Variants in MICAL2 observed in about 807,000 individuals in gnomAD.
MICAL2 encodes microtubule associated monooxygenase, calponin and LIM domain containing 2.
In MICAL2, 77 loss-of-function variants were observed where a neutral mutation model predicts 127.3. That is an observed-to-expected ratio of 0.60 (90% CI 0.50 to 0.73). The LOEUF is 0.73. MICAL2 is among the 30% of genes least tolerant of loss of function. The probability of loss-of-function intolerance (pLI) is 0.00; values close to 1 mark genes in which losing one functional copy is unlikely to be tolerated. For synonymous variants in MICAL2, 570 were observed against 551.1 expected (o/e 1.03, Z -0.48); for missense variants, 1,351 against 1,434.4 (o/e 0.94, Z 0.94).
At chr11:12,203,853 A>G (rs1319701886) in intron 3 of MICAL2, among the ~76,000 whole-genome samples, 1 of 152,102 alleles carries the variant, frequency 6.6e-6, no homozygotes, top group Admixed American at 6.5e-5. Flanking sequence ...ACAAAGATGT[A>G]CCATATGCTT....
chr11:12,176,042 T>C (rs1856806964), intron 3 of MICAL2, among the ~76,000 whole-genome samples: 1 of 152,150 alleles, frequency 6.6e-6, no homozygotes, highest in South Asian at 2.1e-4. Context: ...ATGAAAAACG[T>C]AAAGGAAGAC....
At chr11:12,222,083 T>A (rs1041400813) in intron 10 of MICAL2, among the ~76,000 whole-genome samples, 7 of 152,168 alleles carry the variant, frequency 4.6e-5, no homozygotes, top group African/African-American at 1.4e-4. Flanking sequence ...TTTAAGGGAA[T>A]CTTCCAGGGC....
intron 22 of MICAL2, chr11:12,250,403 G>A (rs1861383636): frequency 6.6e-6 from 1 of 152,188 alleles, no homozygotes; most frequent in African/African-American, 2.4e-5. Context: ...GCCGTGCTTT[G>A]GACTCACTAT....
chr11:12,350,046 G>A, intron 33 of MICAL2: 1 of 766,722 alleles, frequency 1.3e-6, no homozygotes, highest in Non-Finnish European at 2.2e-6. Flanking sequence ...TGTGCATACA[G>A]AATAGTGATT....
At chr11:12,152,382 C>T (rs1360026491) in intron 2 of MICAL2, among the ~76,000 whole-genome samples, 1 of 148,304 alleles carries the variant, frequency 6.7e-6, no homozygotes, top group Non-Finnish European at 1.5e-5. Context: ...GTGTGCAAGA[C>T]AGTAGTGCTT....
At chr11:12,236,050 A>G (rs751551882) in intron 15 of MICAL2, 127 bp from the exon 16 acceptor site, 2 of 751,520 alleles carry the variant, frequency 2.7e-6, no homozygotes, top group African/African-American at 1.7e-5. Flanking sequence ...GTAGGCTGAC[A>G]GCTGTTTGTG....
chr11:12,292,044 TCTGA>T (rs1863909938), downstream of MICAL2: 7 of 1,405,598 alleles, frequency 5.0e-6, no homozygotes, highest in South Asian at 5.5e-5. Context: ...TCTTCCTCTT[TCTGA>T]CTGTTTATAG....
intron 6 of MICAL2, among the ~76,000 whole-genome samples, chr11:12,212,982 C>A (rs1855688341): frequency 6.6e-6 from 1 of 152,184 alleles, no homozygotes; most frequent in African/African-American, 2.4e-5. Context: ...TACAAGGGTA[C>A]ACCCTGTGAC....
intron 33 of MICAL2, chr11:12,349,982 G>A (rs960963020): frequency 1.7e-5 from 26 of 1,539,102 alleles, no homozygotes; most frequent in Non-Finnish European, 2.2e-5. Flanking sequence ...AAAGCAAAGG[G>A]GCAAAGGGGG....
intron 3 of MICAL2, among the ~76,000 whole-genome samples, chr11:12,188,393 A>G (rs965351362): frequency 6.6e-6 from 1 of 152,170 alleles, no homozygotes; most frequent in African/African-American, 2.4e-5. Context: ...TTTGCCTTCC[A>G]GGGACGTTTG....
At chr11:12,262,226 G>A in intron 26 of MICAL2, 2 of 1,373,022 alleles carry the variant, frequency 1.5e-6, no homozygotes, top group Non-Finnish European at 9.4e-7. Context: ...TAAAATGGGG[G>A]CAGAGAGGAT....
chr11:12,118,562 A>G (rs977475438), intron 1 of MICAL2, among the ~76,000 whole-genome samples: 3 of 152,158 alleles, frequency 2.0e-5, no homozygotes, highest in Admixed American at 2.0e-4. Flanking sequence ...CTACTTTGCC[A>G]GCTCTCTCCT....
chr11:12,165,211 A>G (rs1247999247), intron 3 of MICAL2, among the ~76,000 whole-genome samples: 1 of 151,982 alleles, frequency 6.6e-6, no homozygotes, highest in Non-Finnish European at 1.5e-5. Context: ...TGTCATCTAC[A>G]GTGAGTGTTG....
downstream of MICAL2, chr11:12,292,034 T>C: frequency 7.5e-7 from 1 of 1,337,922 alleles, no homozygotes; most frequent in Non-Finnish European, 1.0e-6. Context: ...GGCTCTGACA[T>C]CTTCCTCTTT....
At chr11:12,226,092 C>G in intron 13 of MICAL2, 79 bp from the exon 14 acceptor site, 1 of 1,410,452 alleles carries the variant, frequency 7.1e-7, no homozygotes, top group Non-Finnish European at 1.0e-6. Flanking sequence ...CTCAGTGCTC[C>G]TTACCACCTG....
intron 1 of MICAL2, among the ~76,000 whole-genome samples, chr11:12,134,954 C>T (rs1461955571): frequency 6.6e-6 from 1 of 152,216 alleles, no homozygotes; most frequent in Non-Finnish European, 1.5e-5. Context: ...AGACCAGAGT[C>T]CCCTGTTCAG....
intron 32 of MICAL2, among the ~76,000 whole-genome samples, chr11:12,334,729 G>C (rs1417617749): frequency 2.0e-5 from 3 of 151,266 alleles, no homozygotes; most frequent in African/African-American, 4.9e-5. Context: ...CCTTGTGATA[G>C]TTTGCTGAGA....
At chr11:12,135,298 G>C (rs1337713159) in intron 1 of MICAL2, among the ~76,000 whole-genome samples, 1 of 152,138 alleles carries the variant, frequency 6.6e-6, no homozygotes, top group East Asian at 1.9e-4. Context: ...CTCTTTACCT[G>C]CATAACTCAT....
intron 29 of MICAL2, among the ~76,000 whole-genome samples, chr11:12,313,170 A>AAG (rs1864194651): frequency 6.6e-6 from 1 of 150,938 alleles, no homozygotes; most frequent in African/African-American, 2.4e-5. Flanking sequence ...TACATCTCAA[A>AAG]AAAAAAAAAA....
Sources: allele counts gnomAD v4.1 joint callset (sites outside exome capture counted in the v4.1 genomes callset), GRCh38; gene constraint gnomAD v4.1.1; transcripts MANE v1.5; gene names NCBI Gene and HGNC (gene_info 2026-07-23, HGNC 2026-07-21).